Variants in DLG2 observed in about 807,000 individuals in gnomAD.
The protein encoded by DLG2 is discs large MAGUK scaffold protein 2.
A neutral mutation model predicts 132.5 loss-of-function variants in DLG2; 45 were observed. The ratio of observed to expected loss-of-function variants is 0.34; its 90% CI spans 0.27 to 0.44. The LOEUF (loss-of-function observed/expected upper bound fraction) is 0.44. DLG2 is among the 20% of genes least tolerant of loss of function. The pLI is 1.00. For missense variants in DLG2, 1,045 were observed against 1,196.9 expected, an observed-to-expected ratio of 0.87 and a Z score of 1.87; for synonymous variants, 424 against 419.6, an observed-to-expected ratio of 1.01 and a Z score of -0.13.
intron 6 of DLG2, among the ~76,000 whole-genome samples, chr11:84,878,683 A>G (rs889996570): frequency 3.3e-5 from 5 of 152,188 alleles, no homozygotes; most frequent in African/African-American, 4.8e-5. Flanking sequence ...CTGCACATGT[A>G]TACCAGAACT....
At chr11:84,663,248 TA>T (rs67348821) in intron 6 of DLG2, among the ~76,000 whole-genome samples, 65,473 of 122,636 alleles carry the variant, frequency 0.53, 14,857 homozygotes, top group Admixed American at 0.58. Context: ...TATATATATA[TA>T]TTTTTTTTTC....
chr11:84,591,810 G>T (rs2099544023), intron 6 of DLG2, among the ~76,000 whole-genome samples: 1 of 152,142 alleles, frequency 6.6e-6, no homozygotes, highest in Admixed American at 6.5e-5. Flanking sequence ...AATCAAATCA[G>T]AATCTCTGTG....
At chr11:84,233,079 C>A (rs963259) in intron 8 of DLG2, among the ~76,000 whole-genome samples, 101,732 of 151,994 alleles carry the variant, frequency 0.67, 34,895 homozygotes, top group Middle Eastern at 0.79. Context: ...GCTTCCTCCA[C>A]AATTTTGAGA....
chr11:84,628,683 C>G (rs1188329360), intron 6 of DLG2, among the ~76,000 whole-genome samples: 1 of 152,178 alleles, frequency 6.6e-6, no homozygotes, highest in African/African-American at 2.4e-5. Context: ...AAGAGCCTCT[C>G]TACTTTCATG....
At chr11:85,457,823 T>A (rs2092470426) in intron 3 of DLG2, among the ~76,000 whole-genome samples, 1 of 152,210 alleles carries the variant, frequency 6.6e-6, no homozygotes, top group Non-Finnish European at 1.5e-5. Flanking sequence ...TGATGGGATT[T>A]CCTTTCTAGA....
chr11:84,143,233 A>G (rs1383485397), intron 9 of DLG2, among the ~76,000 whole-genome samples: 1 of 152,200 alleles, frequency 6.6e-6, no homozygotes, highest in East Asian at 1.9e-4. Flanking sequence ...AAAGCCTTGA[A>G]GTAATGAAGA....
chr11:83,745,922 T>C (rs940480104), intron 18 of DLG2, among the ~76,000 whole-genome samples: 3 of 152,128 alleles, frequency 2.0e-5, no homozygotes, highest in African/African-American at 7.2e-5. Flanking sequence ...ACAAAGGATA[T>C]GAACAGACAC....
At chr11:84,270,879 T>C (rs1374027558) in intron 7 of DLG2, among the ~76,000 whole-genome samples, 1 of 152,238 alleles carries the variant, frequency 6.6e-6, no homozygotes, top group African/African-American at 2.4e-5. Flanking sequence ...ATTTGAGCCG[T>C]ATATTTGTCA....
intron 3 of DLG2, among the ~76,000 whole-genome samples, chr11:85,505,750 G>C (rs1482395803): frequency 6.6e-6 from 1 of 152,178 alleles, no homozygotes. Flanking sequence ...AGTTAGGGAG[G>C]ATTCCCGCTT....
intron 6 of DLG2, among the ~76,000 whole-genome samples, chr11:84,703,855 A>AAG (rs1388485756): frequency 2.7e-5 from 2 of 74,466 alleles, no homozygotes; most frequent in African/African-American, 1.3e-4. Flanking sequence ...CTATGTAGTG[A>AAG]AGATATATAT....
chr11:85,272,261 C>G (rs2077581946), intron 4 of DLG2, among the ~76,000 whole-genome samples: 1 of 152,118 alleles, frequency 6.6e-6, no homozygotes, highest in Non-Finnish European at 1.5e-5. Context: ...ATTGTGAGGC[C>G]TCCCAAGCCA....
intron 21 of DLG2, among the ~76,000 whole-genome samples, chr11:83,516,759 T>G (rs1314624072): frequency 1.3e-5 from 2 of 152,158 alleles, no homozygotes; most frequent in Admixed American, 6.5e-5. Context: ...GTCTGTAAAG[T>G]ATTTTATTTC....
chr11:85,229,647 C>T (rs1196357668), intron 4 of DLG2, among the ~76,000 whole-genome samples: 2 of 152,018 alleles, frequency 1.3e-5, no homozygotes, highest in South Asian at 2.1e-4. Context: ...GGGGTATACA[C>T]CCAAAGGCTT....
At chr11:85,498,257 A>C (rs2093714434) in intron 3 of DLG2, among the ~76,000 whole-genome samples, 1 of 151,936 alleles carries the variant, frequency 6.6e-6, no homozygotes, top group African/African-American at 2.4e-5. Context: ...AATGGAAAGC[A>C]AAAAAAAGCA....
At chr11:85,396,799 T>A (rs181922745) in intron 3 of DLG2, among the ~76,000 whole-genome samples, 1 of 152,154 alleles carries the variant, frequency 6.6e-6, no homozygotes, top group Non-Finnish European at 1.5e-5. Flanking sequence ...AATATATGTT[T>A]GATTGGTGTA....
chr11:85,201,336 C>A (rs80131931), intron 4 of DLG2, among the ~76,000 whole-genome samples: 2,262 of 152,294 alleles, frequency 0.015, 52 homozygotes, highest in African/African-American at 0.05. Context: ...TGAGTCTCAA[C>A]TTCAGCCACT....
chr11:84,392,081 G>C (rs1250474481), intron 7 of DLG2, among the ~76,000 whole-genome samples: 3 of 152,146 alleles, frequency 2.0e-5, no homozygotes, highest in African/African-American at 7.2e-5. Flanking sequence ...CAATGTATCT[G>C]TCACAGATTT....
At chr11:83,966,065 A>G (rs1018967533) in intron 12 of DLG2, among the ~76,000 whole-genome samples, 2 of 152,036 alleles carry the variant, frequency 1.3e-5, no homozygotes, top group Non-Finnish European at 2.9e-5. Context: ...ACTATAAATA[A>G]TGTTGCACTA....
chr11:85,083,699 T>C (rs2067539355), intron 6 of DLG2, among the ~76,000 whole-genome samples: 2 of 152,124 alleles, frequency 1.3e-5, no homozygotes, highest in Non-Finnish European at 2.9e-5. Context: ...TCTAAAGACC[T>C]GGAATCAACA....
Sources: allele counts gnomAD v4.1 joint callset (sites outside exome capture counted in the v4.1 genomes callset), GRCh38; gene constraint gnomAD v4.1.1; transcripts MANE v1.5; gene names NCBI Gene and HGNC (gene_info 2026-07-23, HGNC 2026-07-21).